FAM53A: variants seen among roughly 807,000 people sequenced by gnomAD.
The protein encoded by FAM53A is protein FAM53A.
FAM53A carries 28 observed loss-of-function variants against 26.6 expected under a neutral mutation model. The observed-to-expected ratio is 1.05, with a 90% CI of 0.78 to 1.45. The LOEUF (loss-of-function observed/expected upper bound fraction) is 1.45. Ranked by LOEUF, FAM53A falls within the 40% of genes most tolerant of loss-of-function variation. The pLI is 0.00. For missense variants in FAM53A, 650 were observed against 575.8 expected (o/e 1.13, Z -1.32); for synonymous variants, 290 against 253.1 (o/e 1.15, Z -1.38).
chr4:1,684,641 C>T (rs1028157771), upstream of FAM53A, among the ~76,000 whole-genome samples: 2 of 151,812 alleles, frequency 1.3e-5, no homozygotes, highest in Non-Finnish European at 2.9e-5. Context: ...CGGGGCAGGA[C>T]GCGCAGCGAG....
chr4:1,667,069 A>G (rs955068745), intron 2 of FAM53A, among the ~76,000 whole-genome samples: 1 of 151,466 alleles, frequency 6.6e-6, no homozygotes, highest in Non-Finnish European at 1.5e-5. Flanking sequence ...TGGAGGTTGC[A>G]GTGAGCCGAG....
the FAM53A span, among the ~76,000 whole-genome samples, chr4:1,602,084 C>T: frequency 6.6e-6 from 1 of 151,926 alleles, no homozygotes; most frequent in Non-Finnish European, 1.5e-5. Flanking sequence ...TGCCAGGGCA[C>T]CAGGGCTGGT....
At chr4:1,642,215 T>C (rs1274712321) in intron 4 of FAM53A, among the ~76,000 whole-genome samples, 1 of 152,126 alleles carries the variant, frequency 6.6e-6, no homozygotes, top group Non-Finnish European at 1.5e-5. Context: ...ATAGTTACTC[T>C]AATAGAAACA....
intron 2 of FAM53A, 146 bp downstream of exon 2, chr4:1,668,521 G>A (rs2108999597): frequency 2.7e-6 from 2 of 745,630 alleles, no homozygotes; most frequent in African/African-American, 1.7e-5. Context: ...GGGCCCACAT[G>A]TGCACCAGAC....
chr4:1,610,301 C>T, the FAM53A span, among the ~76,000 whole-genome samples: 19 of 152,112 alleles, frequency 1.2e-4, no homozygotes, highest in Non-Finnish European at 2.8e-4. Context: ...CCTCCCCTGG[C>T]CCCCGGACCC....
chr4:1,633,844 G>A (rs1464042167), intron 1 of FAM53A, among the ~76,000 whole-genome samples: 2 of 151,502 alleles, frequency 1.3e-5, no homozygotes, highest in Middle Eastern at 6.3e-3. Flanking sequence ...ACTTAAAGAG[G>A]TTTTAAAAAA....
At chr4:1,592,851 G>T in the FAM53A span, among the ~76,000 whole-genome samples, 1 of 152,136 alleles carries the variant, frequency 6.6e-6, no homozygotes, top group Non-Finnish European at 1.5e-5. Flanking sequence ...ACCCGCACAC[G>T]CCTGGAGCCC....
chr4:1,663,572 G>C (rs964416785), intron 2 of FAM53A, among the ~76,000 whole-genome samples: 1 of 152,144 alleles, frequency 6.6e-6, no homozygotes, highest in South Asian at 2.1e-4. Context: ...TGTGGTGAGG[G>C]ACAGCCAACA....
chr4:1,661,239 G>T (rs758005205), intron 2 of FAM53A, among the ~76,000 whole-genome samples: 3 of 151,974 alleles, frequency 2.0e-5, no homozygotes, highest in African/African-American at 7.3e-5. Flanking sequence ...AGGCTCCCAC[G>T]GCCATGGGAA....
At chr4:1,648,855 G>A (rs1021292521) in intron 4 of FAM53A, among the ~76,000 whole-genome samples, 3 of 152,226 alleles carry the variant, frequency 2.0e-5, no homozygotes, top group Admixed American at 6.5e-5. Context: ...GCTCACGCCT[G>A]TAATCCCAGC....
intron 1 of FAM53A, among the ~76,000 whole-genome samples, chr4:1,680,518 G>C (rs138874799): frequency 3.4e-4 from 51 of 152,138 alleles, no homozygotes; most frequent in Middle Eastern, 3.4e-3. Context: ...CACAAAACCT[G>C]CACACAGATG....
the FAM53A span, among the ~76,000 whole-genome samples, chr4:1,591,645 C>T: frequency 6.6e-6 from 1 of 152,214 alleles, no homozygotes; most frequent in South Asian, 2.1e-4. Context: ...CTTCTGAGCA[C>T]ATGGTCTGGC....
intron 1 of FAM53A, among the ~76,000 whole-genome samples, chr4:1,674,980 A>T (rs1714942707): frequency 6.6e-6 from 1 of 152,210 alleles, no homozygotes; most frequent in Admixed American, 6.5e-5. Context: ...GAAAGCCCAG[A>T]GATACAGAAA....
intron 1 of FAM53A, among the ~76,000 whole-genome samples, chr4:1,632,795 G>T (rs1264393684): frequency 6.6e-6 from 1 of 152,168 alleles, no homozygotes; most frequent in Non-Finnish European, 1.5e-5. Context: ...GTTGTACATG[G>T]ACACACATGC....
Position 1,655,085 on chromosome 4 carries a change from G to A in FAM53A, c.775C>T (p.Arg259Cys), listed in dbSNP as rs149604195. The A allele has an allele frequency of 6.3e-5, 101 of 1,601,838 alleles. No homozygotes were observed. Among genetic ancestry groups the A allele is most frequent in the Middle Eastern group, 3.3e-4 (2 of 6,038 alleles). ...LGGRRGLLRCRSQPCVLSGKR... is the reference protein window; with the variant it reads ...LGGRRGLLRCCSQPCVLSGKR... ...CCACTGAGCACGCAAGGCTGTGAGC[G>A]GCACCGGAGCAGCCCACGGCGCCCG... The change falls in exon 4 of 5, where the codon CGC (arginine) becomes TGC (cysteine). Residue 259 changes from arginine to cysteine, a missense_variant. Physicochemically the swap from Arg to Cys is radical, Grantham distance 180 (BLOSUM62 -3). Coordinates refer to ENST00000308132, the MANE Select transcript of FAM53A (RefSeq NM_001174070.3).
intron 1 of FAM53A, among the ~76,000 whole-genome samples, chr4:1,682,857 T>C (rs972443450): frequency 3.9e-5 from 6 of 152,150 alleles, no homozygotes; most frequent in African/African-American, 1.4e-4. Context: ...AAACGTTCTG[T>C]GGTCCCCACG....
chr4:1,631,524 C>T (rs1715611531), intron 1 of FAM53A, among the ~76,000 whole-genome samples: 2 of 152,312 alleles, frequency 1.3e-5, no homozygotes, highest in African/African-American at 4.8e-5. Flanking sequence ...GAAGGGCACA[C>T]AGCAGTCCCA....
chr4:1,642,636 A>G (rs1273938109), intron 4 of FAM53A, among the ~76,000 whole-genome samples: 1 of 152,158 alleles, frequency 6.6e-6, no homozygotes, highest in Non-Finnish European at 1.5e-5. Flanking sequence ...GGCCACGACC[A>G]GGGCACCAGC....
chr4:1,580,118 T>A, the FAM53A span: 1 of 152,246 alleles, frequency 6.6e-6, no homozygotes, highest in Non-Finnish European at 1.5e-5. Context: ...CATTTGTTGA[T>A]AGATTTTTAA....
Sources: gnomAD v4.1 joint callset for allele counts (sites outside exome capture counted in the v4.1 genomes callset) on GRCh38, gnomAD v4.1.1 for gene constraint, MANE v1.5 for transcripts, NCBI Gene and HGNC (gene_info 2026-07-23, HGNC 2026-07-21) for gene names.